Variants in ZBTB20 observed in about 807,000 individuals in gnomAD.
ZBTB20 encodes the protein zinc finger and BTB domain-containing protein 20.
In ZBTB20, 9 loss-of-function variants were observed where a neutral mutation model predicts 56.9. That is an observed-to-expected ratio of 0.16 (90% confidence interval 0.10 to 0.28). The LOEUF (loss-of-function observed/expected upper bound fraction) is 0.28. Among genes scored for constraint, ZBTB20 ranks in the 10% least tolerant of loss-of-function variants. The pLI, the probability that ZBTB20 is intolerant of heterozygous loss-of-function variation, is 1.00. For missense variants in ZBTB20, 655 were observed against 1,003.0 expected, an observed-to-expected ratio of 0.65 and a Z score of 4.69; for synonymous variants, 417 against 420.7, an observed-to-expected ratio of 0.99 and a Z score of 0.11.
chr3:114,695,815 G>A (rs1161646852), intron 5 of ZBTB20, among the ~76,000 whole-genome samples: 3 of 151,828 alleles, frequency 2.0e-5, no homozygotes, highest in African/African-American at 7.3e-5. Flanking sequence ...ATGCAAAACT[G>A]CATATTGGAA....
At chr3:115,059,858 CA>C in intron 2 of ZBTB20, among the ~76,000 whole-genome samples, 1 of 152,074 alleles carries the variant, frequency 6.6e-6, no homozygotes, top group East Asian at 1.9e-4. Context: ...TTATGTCATA[CA>C]AATTTCAGGG....
chr3:114,849,827 TCTC>T (rs1560319118), intron 4 of ZBTB20, among the ~76,000 whole-genome samples: 2 of 151,588 alleles, frequency 1.3e-5, no homozygotes, highest in East Asian at 3.9e-4. Flanking sequence ...AATTTAATCA[TCTC>T]CTCTACTGAG....
At chr3:114,527,080 T>TA (rs2047308805) in intron 6 of ZBTB20, 1 of 152,202 alleles carries the variant, frequency 6.6e-6, no homozygotes, top group Non-Finnish European at 1.5e-5. Context: ...GCAGCATATC[T>TA]AACCAGGGAG....
chr3:114,774,274 T>C lies in ZBTB20; in HGVS notation c.-343+26827A>G, dbSNP rs148178837. On this transcript the variant is annotated intron_variant, in intron 5 of 11. Transcript: ENST00000675478. The stretch of plus-strand genomic sequence containing the variant: ...CCAATATAATGATTTAAAATTCTTA[T>C]AGAAACAGGATAAATGAAGTTAATT... Among the ~76,000 whole-genome samples the C allele has an allele frequency of 3.8e-3, 582 of 152,302 alleles. 8 individuals carry two copies. Among genetic ancestry groups the C allele is most frequent in the African/African-American group, 0.013 (554 of 41,574 alleles).
intron 5 of ZBTB20, among the ~76,000 whole-genome samples, chr3:114,700,781 T>TCC (rs747430011): frequency 2.8e-4 from 42 of 152,110 alleles, no homozygotes; most frequent in Non-Finnish European, 5.4e-4. Context: ...GAGAAAGTAG[T>TCC]CTCTGGATAG....
chr3:114,344,816 T>A (rs909635856), intron 11 of ZBTB20, among the ~76,000 whole-genome samples: 2 of 152,224 alleles, frequency 1.3e-5, no homozygotes, highest in Admixed American at 6.5e-5. Flanking sequence ...ATTGTTACTA[T>A]GTCTATTTAC....
At position 114,339,967 on chromosome 3, in the gene ZBTB20, G is replaced by A. The variant is rs1293244480; in HGVS notation, c.1805-541C>T. ...AAATACACCTATGTGTTGATTGTGA[G>A]TTTGGAAAATATTTGCCAACACAGG... On this transcript the variant is annotated intron_variant, in intron 11 of 11. Coordinates refer to ENST00000675478, the MANE Select transcript of ZBTB20 (RefSeq NM_001348800.3). This position sits in a 1 kb window ranked among gnomAD's most constrained non-coding sequence, Gnocchi z 4.2. Among the ~76,000 whole-genome samples, 1 of 152,184 alleles carries A rather than the reference G, an allele frequency of 6.6e-6. No homozygotes were observed. Among genetic ancestry groups the A allele is most frequent in the African/African-American group, 2.4e-5 (1 of 41,446 alleles).
At chr3:115,119,641 T>C (rs2084123114) in intron 1 of ZBTB20, among the ~76,000 whole-genome samples, 1 of 152,184 alleles carries the variant, frequency 6.6e-6, no homozygotes, top group Non-Finnish European at 1.5e-5. Context: ...GCCTGGCACA[T>C]AGAAAGCATT....
At chr3:114,441,184 A>G (rs139045966) in intron 7 of ZBTB20, among the ~76,000 whole-genome samples, 226 of 152,300 alleles carry the variant, frequency 1.5e-3, no homozygotes, top group African/African-American at 5.0e-3. Flanking sequence ...GATAAATTCT[A>G]AACAAAACAT....
At chr3:114,972,777 C>T (rs546092524) in intron 3 of ZBTB20, among the ~76,000 whole-genome samples, 3 of 152,082 alleles carry the variant, frequency 2.0e-5, no homozygotes, top group Admixed American at 1.3e-4. Context: ...CCAAATAAAT[C>T]GTCTAGCAGA....
chr3:115,111,005 AAAATAAATAAATAAATAAAT>A (rs148918475), intron 1 of ZBTB20, among the ~76,000 whole-genome samples: 22 of 144,748 alleles, frequency 1.5e-4, no homozygotes, highest in South Asian at 6.4e-4. Context: ...AATAAAAATA[AAAATAAATAAATAAATAAAT>A]AAATAAATAA....
At chr3:114,911,828 G>A (rs998179168) in intron 3 of ZBTB20, among the ~76,000 whole-genome samples, 1 of 151,930 alleles carries the variant, frequency 6.6e-6, no homozygotes. Flanking sequence ...AAGACAGACA[G>A]AGTAAGAGGA....
intron 7 of ZBTB20, among the ~76,000 whole-genome samples, chr3:114,433,730 C>A (rs969617139): frequency 3.3e-5 from 5 of 152,240 alleles, no homozygotes; most frequent in South Asian, 2.1e-4. Flanking sequence ...TAAACATGCT[C>A]TAGTATAAGA....
rs1442716099 is a variant in ZBTB20, at chr3:114,320,060, T to A, written c.*18945A>T. The A allele has an allele frequency of 1.3e-5, 2 of 152,174 alleles. No homozygotes were observed. Among genetic ancestry groups the A allele is most frequent in the Non-Finnish European group, 2.9e-5 (2 of 68,028 alleles). The allele number at this position is 152,174 out of a possible 1,614,324, so 9.4% of individuals were successfully genotyped here. On this transcript the variant is annotated 3_prime_UTR_variant, in exon 12 of 12. Transcript: ENST00000675478. ...TCTGCTCTCAGAGGAATGCTCTGTT[T>A]TCTCCATCCCCATTGAACTACCAGG...
intron 3 of ZBTB20, among the ~76,000 whole-genome samples, chr3:114,955,959 AGTTTG>A (rs1254306028): frequency 2.0e-5 from 3 of 152,192 alleles, no homozygotes; most frequent in Non-Finnish European, 2.9e-5. Flanking sequence ...TTAAATCTAA[AGTTTG>A]GTGCCAAATA....
chr3:114,962,224 TA>T (rs2077480172), intron 3 of ZBTB20, among the ~76,000 whole-genome samples: 1 of 152,160 alleles, frequency 6.6e-6, no homozygotes. Flanking sequence ...TTTAGCATGA[TA>T]GCACTAAAAT....
intron 6 of ZBTB20, among the ~76,000 whole-genome samples, chr3:114,548,583 A>G (rs2050191273): frequency 6.6e-6 from 1 of 150,420 alleles, no homozygotes; most frequent in Non-Finnish European, 1.5e-5. Flanking sequence ...CAGTCGCATG[A>G]TCTCAGCTCA....
intron 6 of ZBTB20, among the ~76,000 whole-genome samples, chr3:114,652,800 G>A (rs2060203898): frequency 6.6e-6 from 1 of 151,914 alleles, no homozygotes; most frequent in Non-Finnish European, 1.5e-5. Context: ...GAAATACTGA[G>A]TATTCATCTA....
chr3:114,511,529 C>T (rs1282011322), intron 6 of ZBTB20, among the ~76,000 whole-genome samples: 1 of 152,080 alleles, frequency 6.6e-6, no homozygotes, highest in Non-Finnish European at 1.5e-5. Flanking sequence ...GGTTAGAGAT[C>T]ATATATGTCT....
Sources: allele counts gnomAD v4.1 joint callset (sites outside exome capture counted in the v4.1 genomes callset), GRCh38; gene constraint gnomAD v4.1.1; non-coding constraint Gnocchi (gnomAD v3.1); transcripts MANE v1.5; gene names NCBI Gene and HGNC (gene_info 2026-07-23, HGNC 2026-07-21).